CCDC91: variants seen among roughly 807,000 people sequenced by gnomAD.
CCDC91 encodes coiled-coil domain containing 91.
In CCDC91, 48 loss-of-function variants were observed where a neutral mutation model predicts 63.2. The ratio of observed to expected loss-of-function variants is 0.76; its 90% CI spans 0.60 to 0.97. The LOEUF (loss-of-function observed/expected upper bound fraction) is 0.97. CCDC91 is among the 50% of genes least tolerant of loss of function. The pLI is 0.00. For missense variants in CCDC91, 500 were observed against 494.6 expected, an observed-to-expected ratio of 1.01 and a Z score of -0.10; for synonymous variants, 167 against 165.8, an observed-to-expected ratio of 1.01 and a Z score of -0.06.
intron 1 of CCDC91, among the ~76,000 whole-genome samples, chr12:28,216,524 C>G (rs1943569740): frequency 6.6e-6 from 1 of 151,780 alleles, no homozygotes; most frequent in Non-Finnish European, 1.5e-5. Context: ...TTTGTCTACT[C>G]TCCCGGAGGA....
intron 12 of CCDC91, among the ~76,000 whole-genome samples, chr12:28,506,539 T>G (rs966592580): frequency 1.8e-4 from 27 of 152,004 alleles, no homozygotes; most frequent in Admixed American, 1.6e-3. Flanking sequence ...GAGAAATAAA[T>G]GCTGGAAGCT....
intron 8 of CCDC91, among the ~76,000 whole-genome samples, 158 bp from the exon 9 acceptor site, chr12:28,450,003 G>T (rs1446033866): frequency 6.6e-6 from 1 of 151,814 alleles, no homozygotes; most frequent in Non-Finnish European, 1.5e-5. Flanking sequence ...GATGAATTTA[G>T]TGTTTTTTTC....
intron 1 of CCDC91, among the ~76,000 whole-genome samples, chr12:28,254,772 CTTTTT>C (rs34812000): frequency 2.3e-5 from 3 of 128,826 alleles, no homozygotes; most frequent in African/African-American, 2.9e-5. Flanking sequence ...GTATCATCTG[CTTTTT>C]TTTTTTTTTT....
chr12:28,433,488 T>G (rs912607307), intron 8 of CCDC91, among the ~76,000 whole-genome samples: 66 of 151,996 alleles, frequency 4.3e-4, no homozygotes, highest in Non-Finnish European at 1.0e-4. Context: ...TTTCTCCATT[T>G]TATTCCTTTG....
intron 7 of CCDC91, among the ~76,000 whole-genome samples, chr12:28,380,742 A>G (rs1313086736): frequency 6.6e-6 from 1 of 152,138 alleles, no homozygotes; most frequent in Non-Finnish European, 1.5e-5. Flanking sequence ...TGTAAAGGGC[A>G]TATTTCTTTA....
chr12:28,522,644 T>C (rs1032946134), intron 12 of CCDC91, among the ~76,000 whole-genome samples: 8 of 152,188 alleles, frequency 5.3e-5, no homozygotes, highest in African/African-American at 1.9e-4. Context: ...CTTGCTTCTC[T>C]AGTTCTTTTA....
chr12:28,415,384 C>T (rs936367050), intron 8 of CCDC91, among the ~76,000 whole-genome samples: 4 of 151,842 alleles, frequency 2.6e-5, no homozygotes, highest in Non-Finnish European at 5.9e-5. Context: ...CCACCGTGCC[C>T]GGCTAATTTT....
intron 11 of CCDC91, among the ~76,000 whole-genome samples, chr12:28,475,032 T>A (rs1247497700): frequency 3.9e-5 from 6 of 152,072 alleles, no homozygotes; most frequent in Non-Finnish European, 8.8e-5. Context: ...ATATTCTACT[T>A]CTTAAACTGA....
chr12:28,470,718 A>G (rs1014151058), intron 11 of CCDC91, among the ~76,000 whole-genome samples: 2 of 152,194 alleles, frequency 1.3e-5, no homozygotes, highest in African/African-American at 4.8e-5. Context: ...GGTTAAAAAA[A>G]TGTGTTACTT....
intron 8 of CCDC91, among the ~76,000 whole-genome samples, chr12:28,420,699 T>C (rs981181009): frequency 4.0e-5 from 6 of 151,844 alleles, no homozygotes; most frequent in Middle Eastern, 3.4e-3. Context: ...CTTGCAATTA[T>C]AGATTATATG....
chr12:28,461,362 G>C (rs1339045464), intron 11 of CCDC91, among the ~76,000 whole-genome samples: 1 of 151,966 alleles, frequency 6.6e-6, no homozygotes, highest in Admixed American at 6.6e-5. Context: ...ATGGATATCT[G>C]TTTCTATTCC....
chr12:28,227,771 T>G (rs1314700560), intron 1 of CCDC91, among the ~76,000 whole-genome samples: 2 of 152,138 alleles, frequency 1.3e-5, no homozygotes, highest in Non-Finnish European at 2.9e-5. Flanking sequence ...CATTGCCTTA[T>G]AGCCATTTTT....
At chr12:28,231,315 A>G (rs1455347266) in intron 1 of CCDC91, among the ~76,000 whole-genome samples, 3 of 152,232 alleles carry the variant, frequency 2.0e-5, no homozygotes, top group Non-Finnish European at 4.4e-5. Flanking sequence ...TCTGGGGCCA[A>G]ATAATATAAA....
At chr12:28,490,104 ATAAAT>A (rs1566057332) in intron 12 of CCDC91, among the ~76,000 whole-genome samples, 2 of 151,966 alleles carry the variant, frequency 1.3e-5, no homozygotes, top group East Asian at 3.9e-4. Flanking sequence ...TATGGTATTT[ATAAAT>A]TAGTGTAGGA....
chr12:28,512,898 A>C (rs1162533862), intron 12 of CCDC91, among the ~76,000 whole-genome samples: 1 of 151,952 alleles, frequency 6.6e-6, no homozygotes, highest in Non-Finnish European at 1.5e-5. Context: ...AAGTATGTCA[A>C]AATGCAGAAA....
intron 11 of CCDC91, among the ~76,000 whole-genome samples, chr12:28,481,970 T>C (rs1951472081): frequency 6.6e-6 from 1 of 152,012 alleles, no homozygotes; most frequent in Non-Finnish European, 1.5e-5. Flanking sequence ...CTTTTGCTTT[T>C]AGTTAATATG....
intron 12 of CCDC91, among the ~76,000 whole-genome samples, chr12:28,490,584 CCTT>C (rs1364500573): frequency 6.6e-6 from 1 of 151,728 alleles, no homozygotes; most frequent in Admixed American, 6.6e-5. Flanking sequence ...ACAAATTTAT[CCTT>C]CTTCTTAAAT....
intron 3 of CCDC91, among the ~76,000 whole-genome samples, chr12:28,298,509 A>G (rs1937662227): frequency 6.6e-6 from 1 of 151,374 alleles, no homozygotes; most frequent in South Asian, 2.1e-4. Flanking sequence ...TCAATTAGGT[A>G]GGATATTGAA....
At position 28,523,965 on chromosome 12, in the gene CCDC91, C is replaced by A. The variant is rs559348899; in HGVS notation, c.1216-25098C>A. ...ATCCACTGTGAACGCCACAAAGATA[C>A]TCCTCAAGAAGAGTAACTCTAAGAC... is the stretch of plus-strand genomic sequence containing the variant. On this transcript the variant is annotated intron_variant, in intron 12 of 12. Coordinates refer to ENST00000536442, the MANE Select transcript of CCDC91 (RefSeq NM_018318.5). Among the ~76,000 whole-genome samples, 4 of 152,266 alleles carry A rather than the reference C, an allele frequency of 2.6e-5. No homozygotes were observed. In the South Asian group the frequency reaches 8.3e-4, roughly 32 times the overall value.
Sources: allele counts gnomAD v4.1 joint callset (sites outside exome capture counted in the v4.1 genomes callset), GRCh38; gene constraint gnomAD v4.1.1; transcripts MANE v1.5; gene names NCBI Gene and HGNC (gene_info 2026-07-23, HGNC 2026-07-21).